Variants in TMEM74 observed in about 807,000 individuals in gnomAD.
The protein encoded by TMEM74 is transmembrane protein 74.
Under a neutral mutation model 18.1 loss-of-function variants are expected in TMEM74, and 13 were observed. That is an observed-to-expected ratio of 0.72 (90% CI 0.47 to 1.14). The LOEUF (loss-of-function observed/expected upper bound fraction) is 1.14. Among genes scored for constraint, TMEM74 ranks in the 50% most tolerant of loss-of-function variants. The pLI, the probability that TMEM74 is intolerant of heterozygous loss-of-function variation, is 0.00. For missense variants in TMEM74, 372 were observed against 375.9 expected (o/e 0.99, Z 0.09); for synonymous variants, 159 against 146.6 (o/e 1.08, Z -0.61).
chr8:108,771,886 T>A (rs1814177159), intron 1 of TMEM74, among the ~76,000 whole-genome samples: 1 of 152,200 alleles, frequency 6.6e-6, no homozygotes, highest in South Asian at 2.1e-4. Context: ...TTAAGTTATG[T>A]TCCAGTAAGA....
intron 1 of TMEM74, among the ~76,000 whole-genome samples, chr8:108,760,098 G>A (rs370291635): frequency 6.6e-6 from 1 of 151,712 alleles, no homozygotes; most frequent in African/African-American, 2.4e-5. Flanking sequence ...GCTTGAAGCT[G>A]GGAGTTGGAG....
rs1812724860 is a variant in TMEM74 at position 108,646,824 on chromosome 8, T to A, written n.264+8469A>T. Reference sequence around the variant, plus strand: ...GTTATAAAAATATCATTACCTGAGCTAAAAAATGGCCAGGGCAACCACCCA... The same window carrying A: ...GTTATAAAAATATCATTACCTGAGCAAAAAAATGGCCAGGGCAACCACCCA... On this transcript the variant is annotated intron_variant and non_coding_transcript_variant, in intron 2 of 3. Transcript: ENST00000518838. 2.6e-5 allele frequency among the ~76,000 whole-genome samples: 4 copies of A among 152,182 alleles called. No individual in the cohort carries two copies. In the South Asian group the frequency reaches 8.3e-4, roughly 32 times the overall value.
In TMEM74 at chr8:108,646,808, A is replaced by G. The variant is rs189430264; in HGVS notation, n.264+8485T>C. On this transcript the variant is annotated intron_variant and non_coding_transcript_variant, in intron 2 of 3. Transcript: ENST00000518838. ...GTCCTTCATAACTCAGGTTATAAAA[A>G]TATCATTACCTGAGCTAAAAAATGG... Among the ~76,000 whole-genome samples the G allele has an allele frequency of 6.8e-4, 103 of 152,286 alleles. 1 individual carries two copies. Among genetic ancestry groups the G allele is most frequent in the Non-Finnish European group, 1.1e-3 (72 of 68,016 alleles).
Position 108,781,847 on chromosome 8 carries a change from A to G in TMEM74, c.*2334T>C, listed in dbSNP as rs1482804319. ...CTAGATCAAATCTATATTATTTGGT[A>G]GCCCTGCAAGATTCATTAAATGCTT... On this transcript the variant is annotated 3_prime_UTR_variant, in exon 2 of 2. Transcript: ENST00000297459. 6.6e-6 allele frequency among the ~76,000 whole-genome samples: 1 copy of G among 152,156 alleles called. No homozygotes were observed. Among genetic ancestry groups the G allele is most frequent in the African/African-American group, 2.4e-5 (1 of 41,456 alleles).
intron 1 of TMEM74, among the ~76,000 whole-genome samples, chr8:108,713,963 G>C (rs1673249121): frequency 1.3e-5 from 2 of 152,124 alleles, no homozygotes; most frequent in African/African-American, 4.8e-5. Context: ...TGTTGCATAG[G>C]GACAGGAGAA....
At chr8:108,671,913 G>A (rs1477764776) in intron 1 of TMEM74, among the ~76,000 whole-genome samples, 1 of 152,192 alleles carries the variant, frequency 6.6e-6, no homozygotes, top group Non-Finnish European at 1.5e-5. Context: ...CAGGATGACA[G>A]TGATTAATCA....
intron 1 of TMEM74, among the ~76,000 whole-genome samples, chr8:108,724,726 G>C (rs1813616845): frequency 1.3e-5 from 2 of 152,094 alleles, no homozygotes; most frequent in Admixed American, 1.3e-4. Context: ...GAAATCTTAG[G>C]TACAGAGAGA....
intron 1 of TMEM74, among the ~76,000 whole-genome samples, chr8:108,773,367 G>A (rs1170288377): frequency 1.3e-5 from 2 of 151,998 alleles, no homozygotes; most frequent in Non-Finnish European, 2.9e-5. Context: ...AATTAAAATA[G>A]ACATATAATT....
intron 2 of TMEM74, among the ~76,000 whole-genome samples, chr8:108,628,841 G>C (rs1157698679): frequency 1.3e-5 from 2 of 152,006 alleles, no homozygotes; most frequent in Non-Finnish European, 2.9e-5. Flanking sequence ...GGCATGAGAT[G>C]GTATCTCACT....
chr8:108,632,350 T>G (rs1331092945), intron 2 of TMEM74, among the ~76,000 whole-genome samples: 1 of 152,036 alleles, frequency 6.6e-6, no homozygotes, highest in Non-Finnish European at 1.5e-5. Context: ...GGATAGCTCT[T>G]GTTTTCTTAT....
intron 1 of TMEM74, among the ~76,000 whole-genome samples, chr8:108,704,969 A>G (rs1813382936): frequency 6.6e-6 from 1 of 152,240 alleles, no homozygotes; most frequent in East Asian, 1.9e-4. Flanking sequence ...CTTAGTGATC[A>G]CTGAAATTCA....
At chr8:108,710,818 CCTT>C (rs1365056656) in intron 1 of TMEM74, among the ~76,000 whole-genome samples, 1 of 152,180 alleles carries the variant, frequency 6.6e-6, no homozygotes, top group South Asian at 2.1e-4. Context: ...CTCTCTCTCT[CCTT>C]CTCTGGGTGC....
At chr8:108,739,647 G>C (rs2130644993) in intron 1 of TMEM74, among the ~76,000 whole-genome samples, 1 of 152,258 alleles carries the variant, frequency 6.6e-6, no homozygotes. Context: ...TTTTCTCATA[G>C]GATTCCTCAT....
intron 1 of TMEM74, among the ~76,000 whole-genome samples, chr8:108,682,566 G>A (rs1813126577): frequency 6.6e-6 from 1 of 151,958 alleles, no homozygotes; most frequent in Non-Finnish European, 1.5e-5. Flanking sequence ...AGCACAGCAT[G>A]CACTACATAG....
intron 1 of TMEM74, among the ~76,000 whole-genome samples, chr8:108,691,916 C>A (rs1813235932): frequency 6.6e-6 from 1 of 151,516 alleles, no homozygotes; most frequent in African/African-American, 2.4e-5. Flanking sequence ...TGATTCTGGG[C>A]AACAGATTTT....
At chr8:108,630,100 C>G (rs139934831) in intron 2 of TMEM74, among the ~76,000 whole-genome samples, 1 of 151,824 alleles carries the variant, frequency 6.6e-6, no homozygotes, top group Non-Finnish European at 1.5e-5. Context: ...ATCTCACATG[C>G]AAAGACATGC....
chr8:108,609,460 C>A (rs1384079899), intron 2 of TMEM74, among the ~76,000 whole-genome samples: 4 of 152,130 alleles, frequency 2.6e-5, no homozygotes. Flanking sequence ...CCAGCCTGGG[C>A]AACATGGTGA....
At position 108,647,503 on chromosome 8, in the gene TMEM74, G is replaced by C. The variant is rs1812731634; in HGVS notation, n.264+7790C>G. On this transcript the variant is annotated intron_variant and non_coding_transcript_variant, in intron 2 of 3. Coordinates refer to the TMEM74 transcript ENST00000518838. ...TTCCTTTCTTGTTTAGCTGATCAAT[G>C]AAAGGCTAGGTTTTAAAGTAGGAAA... Among the ~76,000 whole-genome samples, 3 of 151,876 alleles carry C rather than the reference G, an allele frequency of 2.0e-5. No homozygotes were observed. In the South Asian group the frequency reaches 6.2e-4, roughly 32 times the overall value.
chr8:108,611,527 C>T (rs1812333588), intron 2 of TMEM74, among the ~76,000 whole-genome samples: 1 of 152,120 alleles, frequency 6.6e-6, no homozygotes, highest in South Asian at 2.1e-4. Context: ...TCATAGAAAA[C>T]ATAATGGTGT....
Sources: allele counts gnomAD v4.1 joint callset (sites outside exome capture counted in the v4.1 genomes callset), GRCh38; gene constraint gnomAD v4.1.1; transcripts MANE v1.5; gene names NCBI Gene and HGNC (gene_info 2026-07-23, HGNC 2026-07-21).